Variants in C5orf22 observed in about 807,000 individuals in gnomAD.
C5orf22 encodes chromosome 5 open reading frame 22, also known as UPF0489 protein C5orf22.
C5orf22 carries 36 observed loss-of-function variants against 48.7 expected under a neutral mutation model. The ratio of observed to expected loss-of-function variants is 0.74; its 90% CI spans 0.57 to 0.98. C5orf22 has a LOEUF of 0.98. Ranked by LOEUF, C5orf22 falls within the 50% of genes least tolerant of loss-of-function variation. C5orf22 has a pLI of 0.00. For synonymous variants in C5orf22, 141 were observed against 180.8 expected (o/e 0.78, Z 1.76); for missense variants, 486 against 521.9 (o/e 0.93, Z 0.67).
At chr5:31,549,187 C>T (rs1456714629) in intron 7 of C5orf22, among the ~76,000 whole-genome samples, 1 of 152,108 alleles carries the variant, frequency 6.6e-6, no homozygotes, top group East Asian at 1.9e-4. Context: ...CCATTGTACT[C>T]CAGCCTGGGC....
intron 5 of C5orf22, 56 bp downstream of exon 5, chr5:31,541,067 T>C: frequency 7.3e-7 from 1 of 1,374,042 alleles, no homozygotes; most frequent in Non-Finnish European, 1.0e-6. Context: ...ACTAATAATA[T>C]CTTGCAAATT....
chr5:31,544,387 T>G (rs1313750705), intron 6 of C5orf22, among the ~76,000 whole-genome samples: 1 of 151,912 alleles, frequency 6.6e-6, no homozygotes, highest in East Asian at 1.9e-4. Flanking sequence ...ATCGAAACCA[T>G]CCTGGCTAAC....
chr5:31,536,803 G>T (rs1301342323), intron 3 of C5orf22, among the ~76,000 whole-genome samples: 1 of 152,050 alleles, frequency 6.6e-6, no homozygotes, highest in Non-Finnish European at 1.5e-5. Flanking sequence ...ATATCAATAT[G>T]TTCTTGACTT....
At chr5:31,543,496 G>A (rs567511084) in intron 6 of C5orf22, among the ~76,000 whole-genome samples, 2 of 152,246 alleles carry the variant, frequency 1.3e-5, no homozygotes, top group East Asian at 3.9e-4. Flanking sequence ...CTTGAGCCTG[G>A]GAGGTCAAGG....
intron 7 of C5orf22, among the ~76,000 whole-genome samples, chr5:31,547,496 C>T (rs1742970168): frequency 6.6e-6 from 1 of 152,254 alleles, no homozygotes; most frequent in South Asian, 2.1e-4. Flanking sequence ...AGGGGTTCTC[C>T]ATGAGGGGCC....
At chr5:31,536,586 C>G (rs1367508682) in intron 3 of C5orf22, among the ~76,000 whole-genome samples, 1 of 152,146 alleles carries the variant, frequency 6.6e-6, no homozygotes, top group African/African-American at 2.4e-5. Flanking sequence ...GCAAAATTAT[C>G]TCACTTTGAT....
At chr5:31,535,054 A>T (rs1176503746) in intron 2 of C5orf22, 2 of 450,974 alleles carry the variant, frequency 4.4e-6, no homozygotes, top group Admixed American at 2.4e-5. Context: ...TTTCACAGGC[A>T]TGTAATTGGA....
At chr5:31,550,431 G>A (rs965465726) in intron 7 of C5orf22, among the ~76,000 whole-genome samples, 2 of 152,180 alleles carry the variant, frequency 1.3e-5, no homozygotes, top group Non-Finnish European at 2.9e-5. Flanking sequence ...CAAGAAAACA[G>A]TTTGGTTAAA....
At chr5:31,552,735 A>T in intron 8 of C5orf22, 38 bp from the exon 9 acceptor site, 1 of 1,586,732 alleles carries the variant, frequency 6.3e-7, no homozygotes, top group East Asian at 2.2e-5. Flanking sequence ...ATTTTATCCT[A>T]TGTGTATTTT....
rs540765532 is a variant in C5orf22 at position 31,540,927 on chromosome 5, G to C, written c.808-22G>C. ...TTAACTTTTTTTTTTCTGGTATGTGGATTTTTTGTTTTGTTTTCCAGGAAG... is the reference window on the plus strand; with the variant it reads ...TTAACTTTTTTTTTTCTGGTATGTGCATTTTTTGTTTTGTTTTCCAGGAAG... On this transcript the variant is annotated intron_variant, in intron 4 of 8. Transcript: ENST00000325366. 4.4e-6 allele frequency: 7 copies of C among 1,583,700 alleles called. No homozygotes were observed. The East Asian group carries it at 1.3e-4, about 30-fold the overall frequency.
In C5orf22 at chr5:31,553,575, G is replaced by C. The variant is rs1039795593; in HGVS notation, c.*673G>C. On this transcript the variant is annotated 3_prime_UTR_variant, in exon 9 of 9. Transcript: ENST00000325366. ...CTGCCTTCGCCTCCCGAAGTGCTGGGATTACAGATGTAAGTCACTACCCCA... is the reference window on the plus strand; with the variant it reads ...CTGCCTTCGCCTCCCGAAGTGCTGGCATTACAGATGTAAGTCACTACCCCA... 1 of 151,738 alleles carries C rather than the reference G, an allele frequency of 6.6e-6. No individual in the cohort carries two copies. The highest frequency in any genetic ancestry group is 2.1e-4 in the South Asian group (1 of 4,806). The allele number at this position is 151,738 out of a possible 1,614,324, so 9.4% of individuals were successfully genotyped here.
In C5orf22 at chr5:31,553,869, G is replaced by A. The variant is rs975857004; in HGVS notation, c.*967G>A. 3 of 152,178 alleles carry A rather than the reference G, an allele frequency of 2.0e-5. No individual in the cohort carries two copies. The highest frequency in any genetic ancestry group is 7.2e-5 in the African/African-American group (3 of 41,440). The allele number at this position is 152,178 out of a possible 1,614,324, so 9.4% of individuals were successfully genotyped here. Reference sequence around the variant, plus strand: ...CTTGTGCATCCAGGAGGTCATTGTAGATATCAATAATATAGTGCCTAAGTG... The same window carrying A: ...CTTGTGCATCCAGGAGGTCATTGTAAATATCAATAATATAGTGCCTAAGTG... On this transcript the variant is annotated 3_prime_UTR_variant, in exon 9 of 9. Coordinates refer to ENST00000325366, the MANE Select transcript of C5orf22 (RefSeq NM_018356.3).
intron 6 of C5orf22, among the ~76,000 whole-genome samples, chr5:31,544,928 G>A (rs1449948101): frequency 1.3e-5 from 2 of 150,808 alleles, no homozygotes; most frequent in Non-Finnish European, 2.9e-5. Context: ...GTGAGATCCT[G>A]TCTCAATAGT....
At chr5:31,552,703 T>C in intron 8 of C5orf22, 70 bp from the exon 9 acceptor site, 1 of 1,372,236 alleles carries the variant, frequency 7.3e-7, no homozygotes, top group Middle Eastern at 1.8e-4. Flanking sequence ...AATGAACACA[T>C]GCAGCTTTTC....
chr5:31,540,753 T>C (rs899294147), intron 4 of C5orf22, 196 bp from the exon 5 acceptor site: 3 of 518,306 alleles, frequency 5.8e-6, no homozygotes, highest in Non-Finnish European at 1.0e-5. Flanking sequence ...AAACAAAATT[T>C]TACAATATTT....
intron 4 of C5orf22, among the ~76,000 whole-genome samples, chr5:31,539,123 A>C (rs535742144): frequency 2.0e-5 from 3 of 152,352 alleles, no homozygotes; most frequent in African/African-American, 4.8e-5. Flanking sequence ...ATACAAGAGT[A>C]AAAAATAATA....
intron 1 of C5orf22, among the ~76,000 whole-genome samples, chr5:31,532,761 C>CT (rs1741659352): frequency 6.6e-6 from 1 of 151,962 alleles, no homozygotes; most frequent in Non-Finnish European, 1.5e-5. Flanking sequence ...GACAGTCTGG[C>CT]TGCAGAGCCC....
intron 6 of C5orf22, among the ~76,000 whole-genome samples, chr5:31,544,203 G>A (rs569819135): frequency 8.5e-5 from 13 of 152,268 alleles, no homozygotes; most frequent in African/African-American, 2.6e-4. Context: ...CAGCAAATTC[G>A]TGAATATTTG....
chr5:31,547,237 G>A (rs891544871), intron 7 of C5orf22, among the ~76,000 whole-genome samples: 2 of 152,262 alleles, frequency 1.3e-5, no homozygotes, highest in Non-Finnish European at 2.9e-5. Flanking sequence ...CAAGAGGTGG[G>A]TTCGCATTGT....
Sources: allele counts gnomAD v4.1 joint callset (sites outside exome capture counted in the v4.1 genomes callset), GRCh38; gene constraint gnomAD v4.1.1; transcripts MANE v1.5; gene names NCBI Gene and HGNC (gene_info 2026-07-23, HGNC 2026-07-21).